ARHGEF10L: variants seen among roughly 807,000 people sequenced by gnomAD.
ARHGEF10L encodes Rho guanine nucleotide exchange factor 10 like, also known as rho guanine nucleotide exchange factor 10-like protein.
ARHGEF10L carries 69 observed loss-of-function variants against 141.2 expected under a neutral mutation model. The ratio of observed to expected loss-of-function variants is 0.49; its 90% CI spans 0.40 to 0.60. ARHGEF10L has a LOEUF of 0.60. Among genes scored for constraint, ARHGEF10L ranks in the 20% least tolerant of loss-of-function variants. The probability of loss-of-function intolerance (pLI) is 0.00; values close to 1 mark genes in which losing one functional copy is unlikely to be tolerated. For synonymous variants in ARHGEF10L, 711 were observed against 718.5 expected, an observed-to-expected ratio of 0.99 and a Z score of 0.17; for missense variants, 1,482 against 1,734.3, an observed-to-expected ratio of 0.85 and a Z score of 2.58.
rs569707991 is a variant in ARHGEF10L, at chr1:17,673,334, G to A, written c.3009+8739G>A. Reference sequence around the variant, plus strand: ...CCACATCCCCCTCCCCTCTGAGCCCGGCAGCAGGGAGAGGGGGAGGGCAGA... The same window carrying A: ...CCACATCCCCCTCCCCTCTGAGCCCAGCAGCAGGGAGAGGGGGAGGGCAGA... On this transcript the variant is annotated intron_variant, in intron 26 of 28. Transcript: ENST00000361221. The surrounding 1 kb of genome is among the most constrained non-coding windows in gnomAD (Gnocchi z 4.1). Among the ~76,000 whole-genome samples the A allele has an allele frequency of 1.1e-4, 17 of 152,232 alleles. No individual in the cohort carries two copies. The highest frequency in any genetic ancestry group is 3.9e-4 in the African/African-American group (16 of 41,526).
At chr1:17,689,583 C>T (rs1224328590) in intron 27 of ARHGEF10L, among the ~76,000 whole-genome samples, 2 of 60,012 alleles carry the variant, frequency 3.3e-5, no homozygotes, top group Non-Finnish European at 6.6e-5. Context: ...TCCTTCCCTC[C>T]CTCCCTCTCT....
At chr1:17,569,335 A>G (rs1305262234) in intron 1 of ARHGEF10L, among the ~76,000 whole-genome samples, 3 of 152,158 alleles carry the variant, frequency 2.0e-5, no homozygotes, top group African/African-American at 7.2e-5. Flanking sequence ...GGTTTGAATC[A>G]TAAGTGCTGG....
chr1:17,604,826 AGTT>A (rs1293212422), intron 6 of ARHGEF10L: 2 of 152,246 alleles, frequency 1.3e-5, no homozygotes, highest in Non-Finnish European at 2.9e-5. Flanking sequence ...GAGGGGCCTC[AGTT>A]GTTGTTTAAC....
the ARHGEF10L span, among the ~76,000 whole-genome samples, chr1:17,531,850 T>C: frequency 6.6e-6 from 1 of 152,216 alleles, no homozygotes; most frequent in Non-Finnish European, 1.5e-5. Context: ...AGAAAGCGTC[T>C]TTCATCTGGG....
chr1:17,637,204 G>T (rs1208191726), intron 18 of ARHGEF10L, among the ~76,000 whole-genome samples: 1 of 152,196 alleles, frequency 6.6e-6, no homozygotes, highest in African/African-American at 2.4e-5. Flanking sequence ...GCACACGATA[G>T]GTCCTCAGGA....
In ARHGEF10L at chr1:17,632,374, C is replaced by A; in HGVS notation, c.1638C>A (p.Thr546=). The A allele has an allele frequency of 1.2e-6, 2 of 1,614,184 alleles. No individual in the cohort carries two copies. Among genetic ancestry groups the A allele is most frequent in the South Asian group, 2.2e-5 (2 of 91,088 alleles). ...QLLLCETLTE[T]VYGDRGQLIK... ...TCCTGTGTGAGACGTTGACGGAGAC[C>A]GTGTACGGTGACCGCGGGCAGCTAA... is the stretch of plus-strand genomic sequence containing the variant. The change falls in exon 16 of 29, where the codon ACC becomes ACA. Residue 546 remains threonine (T), a synonymous_variant. Coordinates refer to ENST00000361221, the MANE Select transcript of ARHGEF10L (RefSeq NM_018125.4).
chr1:17,540,127 G>A (rs946467004), intron 1 of ARHGEF10L, among the ~76,000 whole-genome samples, 177 bp downstream of exon 1: 3 of 152,024 alleles, frequency 2.0e-5, no homozygotes, highest in African/African-American at 7.2e-5. Flanking sequence ...TGAGAGCCCC[G>A]AGCCCGCGTC....
chr1:17,595,444 G>A (rs2100805682), intron 4 of ARHGEF10L, among the ~76,000 whole-genome samples: 1 of 152,224 alleles, frequency 6.6e-6, no homozygotes, highest in East Asian at 1.9e-4. Context: ...GGCCCAGCAT[G>A]TGTGTGGGGG....
chr1:17,670,093 G>T (rs534673229), intron 26 of ARHGEF10L, among the ~76,000 whole-genome samples: 4 of 152,374 alleles, frequency 2.6e-5, no homozygotes, highest in South Asian at 4.1e-4. Context: ...AGAAAGCACC[G>T]CGAGCCACGC....
chr1:17,681,889 T>C (rs1390237136), intron 26 of ARHGEF10L, among the ~76,000 whole-genome samples: 1 of 152,184 alleles, frequency 6.6e-6, no homozygotes, highest in Non-Finnish European at 1.5e-5. Flanking sequence ...ATTGTCTAAT[T>C]CTGCCTTGCC....
At chr1:17,638,521 AGT>A (rs776437979) in intron 19 of ARHGEF10L, 39 bp from the exon 20 acceptor site, 7 of 1,612,194 alleles carry the variant, frequency 4.3e-6, no homozygotes, top group Non-Finnish European at 5.1e-6. Context: ...TTGGGGAGCC[AGT>A]GTGCTGTGTG....
chr1:17,688,385 G>C (rs906336242), intron 27 of ARHGEF10L, among the ~76,000 whole-genome samples: 2 of 152,176 alleles, frequency 1.3e-5, no homozygotes, highest in African/African-American at 4.8e-5. Flanking sequence ...TCAGCCTTTC[G>C]TTGCCATCTG....
In ARHGEF10L at chr1:17,640,308, T is replaced by G; in HGVS notation, c.2272+6T>G. On this transcript the variant is annotated splice_donor_region_variant and intron_variant, in intron 21 of 28. Coordinates refer to ENST00000361221, the MANE Select transcript of ARHGEF10L (RefSeq NM_018125.4). ...TTTGGCCAAAATCGGACTCCGTGAG[T>G]ATAGCCCCAGGGAGAGTGCCTCAGG... 6.2e-7 allele frequency: 1 copy of G among 1,607,438 alleles called. No homozygotes were observed. Among genetic ancestry groups the G allele is most frequent in the Non-Finnish European group, 8.5e-7 (1 of 1,175,898 alleles).
intron 1 of ARHGEF10L, 77 bp from the exon 2 acceptor site, chr1:17,580,476 G>A (rs2078445010): frequency 1.5e-6 from 2 of 1,313,220 alleles, no homozygotes; most frequent in Non-Finnish European, 2.2e-6. Context: ...CACAGGTTGT[G>A]AGCCAGTGAC....
In ARHGEF10L at chr1:17,639,714, A is replaced by T; in HGVS notation, c.2172-488A>T. The stretch of plus-strand genomic sequence containing the variant: ...CTCTGGTTGCCCCAAGCTGGTGCTT[A>T]ACCTGATTCATTCATTTCTTCATTC... On this transcript the variant is annotated intron_variant, in intron 20 of 28. Transcript: ENST00000361221. This position sits in a 1 kb window ranked among gnomAD's most constrained non-coding sequence, Gnocchi z 4.3. The T allele has an allele frequency of 1.6e-6, 1 of 642,420 alleles. No homozygotes were observed. The highest frequency in any genetic ancestry group is 2.5e-6 in the Non-Finnish European group (1 of 404,248). 39.8% of individuals were successfully genotyped at this position (642,420 alleles called of 1,614,324 possible).
intron 9 of ARHGEF10L, chr1:17,618,548 C>A: frequency 1.5e-6 from 2 of 1,361,806 alleles, no homozygotes; most frequent in Non-Finnish European, 1.9e-6. Flanking sequence ...GGTGTCTCTA[C>A]CCCCTCCCAC....
rs776260642 is a variant in ARHGEF10L, at chr1:17,664,499, C to G, written c.2913C>G (p.Pro971=). Residue 971 remains proline, a synonymous_variant, in exon 26 of 29, where the codon CCC becomes CCG. Coordinates refer to ENST00000361221, the MANE Select transcript of ARHGEF10L (RefSeq NM_018125.4). ...CTCCCGTGTGCCTGACTGTGGGGCC[C>G]GGGCCTGTCCGCACCCTGTTGAGCC... ...ESPPVCLTVG[P]GPVRTLLSLE... is the part of the protein sequence containing the mutation. 5.6e-6 allele frequency: 9 copies of G among 1,607,762 alleles called. No homozygotes were observed. The highest frequency in any genetic ancestry group is 6.8e-6 in the Non-Finnish European group (8 of 1,179,766).
chr1:17,674,036 G>A (rs1432165870), intron 26 of ARHGEF10L, among the ~76,000 whole-genome samples: 4 of 152,178 alleles, frequency 2.6e-5, no homozygotes, highest in African/African-American at 7.2e-5. Flanking sequence ...TTGTGGGTGC[G>A]TATGTCCGCA....
Position 17,639,353 on chromosome 1 carries a change from CA to C in ARHGEF10L, c.2171+666del, listed in dbSNP as rs571598796. Among the ~76,000 whole-genome samples the C allele has an allele frequency of 2.0e-4, 31 of 152,344 alleles. No individual in the cohort carries two copies. The highest frequency in any genetic ancestry group is 7.5e-4 in the African/African-American group (31 of 41,572). Reference sequence around the variant, plus strand: ...CCCAGGCCAGTGCAATGAGGGGGCTCAATGCCCAGGTTTTGGCCTCCAGGGT... The same window carrying C: ...CCCAGGCCAGTGCAATGAGGGGGCTCATGCCCAGGTTTTGGCCTCCAGGGT... On this transcript the variant is annotated intron_variant, in intron 20 of 28. Coordinates refer to ENST00000361221, the MANE Select transcript of ARHGEF10L (RefSeq NM_018125.4). The surrounding 1 kb of genome is among the most constrained non-coding windows in gnomAD (Gnocchi z 4.3).
Sources: gnomAD v4.1 joint callset for allele counts (sites outside exome capture counted in the v4.1 genomes callset) on GRCh38, gnomAD v4.1.1 for gene constraint, Gnocchi (gnomAD v3.1) non-coding constraint, MANE v1.5 for transcripts, NCBI Gene and HGNC (gene_info 2026-07-23, HGNC 2026-07-21) for gene names.